SEMA3E: variants seen among roughly 807,000 people sequenced by gnomAD.
SEMA3E encodes semaphorin 3E.
Under a neutral mutation model 93.6 loss-of-function variants are expected in SEMA3E, and 49 were observed. That is an observed-to-expected ratio of 0.52 (90% confidence interval 0.42 to 0.66). The LOEUF is 0.66. SEMA3E is among the 30% of genes least tolerant of loss of function. The probability of loss-of-function intolerance (pLI) is 0.00; values close to 1 mark genes in which losing one functional copy is unlikely to be tolerated. For synonymous variants in SEMA3E, 363 were observed against 330.7 expected, an observed-to-expected ratio of 1.10 and a Z score of -1.06; for missense variants, 906 against 964.8, an observed-to-expected ratio of 0.94 and a Z score of 0.81.
At position 83,419,333 on chromosome 7, in the gene SEMA3E, A is replaced by T. The variant is rs190808558; in HGVS notation, c.457-850T>A. Among the ~76,000 whole-genome samples, 1,316 of 152,234 alleles carry T rather than the reference A, an allele frequency of 8.6e-3. 14 individuals are homozygous for T. The highest frequency in any genetic ancestry group is 0.013 in the Admixed American group (200 of 15,286). ...CTTAGGTTGAATTTATGTCTTTGCTATTGTGAATAATTCTGCAATGAACAT... is the reference window on the plus strand; with the variant it reads ...CTTAGGTTGAATTTATGTCTTTGCTTTTGTGAATAATTCTGCAATGAACAT... On this transcript the variant is annotated intron_variant, in intron 4 of 16. Transcript: ENST00000643230.
chr7:83,529,123 T>C (rs947042478), intron 1 of SEMA3E, among the ~76,000 whole-genome samples: 1 of 152,114 alleles, frequency 6.6e-6, no homozygotes, highest in African/African-American at 2.4e-5. Context: ...AAAATAGTAA[T>C]TAAAGAATTT....
intron 1 of SEMA3E, among the ~76,000 whole-genome samples, chr7:83,598,925 A>T (rs1342060284): frequency 6.6e-6 from 1 of 152,204 alleles, no homozygotes; most frequent in Non-Finnish European, 1.5e-5. Context: ...ATTAAATGTC[A>T]GTTAAATAAA....
intron 1 of SEMA3E, among the ~76,000 whole-genome samples, chr7:83,616,334 T>C (rs140472387): frequency 6.6e-6 from 1 of 152,292 alleles, no homozygotes; most frequent in African/African-American, 2.4e-5. Context: ...GTAAATGTTT[T>C]GCATTTCCTA....
chr7:83,537,831 T>C (rs1022253183), intron 1 of SEMA3E, among the ~76,000 whole-genome samples: 1 of 152,168 alleles, frequency 6.6e-6, no homozygotes, highest in African/African-American at 2.4e-5. Flanking sequence ...ATGTATTCTT[T>C]AGCAATCACT....
chr7:83,551,100 C>A (rs77653752), intron 1 of SEMA3E, among the ~76,000 whole-genome samples: 1 of 152,158 alleles, frequency 6.6e-6, no homozygotes, highest in East Asian at 1.9e-4. Context: ...GTTGTAATAG[C>A]CTTTGGAAAA....
At position 83,570,906 on chromosome 7, in the gene SEMA3E, A is replaced by G. The variant is rs556890329; in HGVS notation, c.115+77522T>C. 3.3e-5 allele frequency among the ~76,000 whole-genome samples: 5 copies of G among 151,820 alleles called. No individual in the cohort carries two copies. In the South Asian group the frequency reaches 1.0e-3, roughly 32 times the overall value. ...GAAATTTAAAAAAAGATCCTCAGAG[A>G]CTATTATAAATACCTCTATGCACAC... On this transcript the variant is annotated intron_variant, in intron 1 of 16. Coordinates refer to ENST00000643230, the MANE Select transcript of SEMA3E (RefSeq NM_012431.3).
At chr7:83,539,660 T>C (rs1000000382) in intron 1 of SEMA3E, among the ~76,000 whole-genome samples, 3 of 152,156 alleles carry the variant, frequency 2.0e-5, no homozygotes, top group African/African-American at 4.8e-5. Flanking sequence ...TTTTTCCTAA[T>C]GTCATCACTG....
At position 83,639,130 on chromosome 7, in the gene SEMA3E, AAAAAAAAAAAC is replaced by A. The variant is rs1239955232; in HGVS notation, c.115+9287_115+9297del. 2.2e-4 allele frequency among the ~76,000 whole-genome samples: 31 copies of A among 142,336 alleles called. 2 individuals are homozygous for A. Among genetic ancestry groups the A allele is most frequent in the South Asian group, 6.6e-4 (3 of 4,532 alleles). The allele number at this position is 142,336 out of a possible 152,430, so 93.4% of individuals were successfully genotyped here. ...CGTCTCAAAAAAAAAAAAAAAAAAA[AAAAAAAAAAAC>A]AGAGATTCCTGAGCCTCAGAATTAT... is the stretch of plus-strand genomic sequence containing the variant. On this transcript the variant is annotated intron_variant, in intron 1 of 16. Coordinates refer to ENST00000643230, the MANE Select transcript of SEMA3E (RefSeq NM_012431.3).
At position 83,647,260 on chromosome 7, in the gene SEMA3E, T is replaced by TA. The variant is rs1794091014; in HGVS notation, c.115+1167_115+1168insT. Among the ~76,000 whole-genome samples the TA allele has an allele frequency of 2.0e-5, 3 of 152,126 alleles. No homozygotes were observed. In the South Asian group the frequency reaches 6.2e-4, roughly 31 times the overall value. Reference sequence around the variant, plus strand: ...TCTATAGTCAACATTTACTGAAGATTGTCCAATAAAAAGACAAAAAGGCCA... The same window carrying TA: ...TCTATAGTCAACATTTACTGAAGATTAGTCCAATAAAAAGACAAAAAGGCCA... On this transcript the variant is annotated intron_variant, in intron 1 of 16. Transcript: ENST00000643230.
chr7:83,453,270 T>A (rs893409966), intron 4 of SEMA3E, among the ~76,000 whole-genome samples: 1 of 152,108 alleles, frequency 6.6e-6, no homozygotes, highest in Non-Finnish European at 1.5e-5. Flanking sequence ...CCTCCTGTGA[T>A]CTGCCCACCT....
At chr7:83,632,468 A>G (rs1207651621) in intron 1 of SEMA3E, among the ~76,000 whole-genome samples, 1 of 152,138 alleles carries the variant, frequency 6.6e-6, no homozygotes, top group Non-Finnish European at 1.5e-5. Context: ...TTCTTGTGAT[A>G]GTGAATAAGT....
Position 83,408,463 on chromosome 7 carries a change from T to C in SEMA3E, c.575A>G (p.Tyr192Cys). Residue 192 changes from tyrosine to cysteine, a missense_variant, in exon 6 of 17, where the codon TAC (tyrosine) becomes TGC (cysteine). Transcript: ENST00000643230. ...LIGSELFAGL[Y>C]SDYWSRDAAI... ...AGCGTCTCTGCTCCAGTAGTCACTG[T>C]AGAGTCCAGCAAACAATTCACTACC... 6.2e-7 allele frequency: 1 copy of C among 1,613,764 alleles called. No homozygotes were observed. The highest frequency in any genetic ancestry group is 8.5e-7 in the Non-Finnish European group (1 of 1,179,814).
At chr7:83,499,488 C>T (rs931613939) in intron 1 of SEMA3E, among the ~76,000 whole-genome samples, 1 of 152,040 alleles carries the variant, frequency 6.6e-6, no homozygotes, top group Admixed American at 6.6e-5. Flanking sequence ...TCTTAGGGTA[C>T]TTTTGTGATT....
At chr7:83,547,355 G>A (rs1791674709) in intron 1 of SEMA3E, among the ~76,000 whole-genome samples, 1 of 152,224 alleles carries the variant, frequency 6.6e-6, no homozygotes, top group Middle Eastern at 3.4e-3. Flanking sequence ...GATGCTGTCA[G>A]TAGAATCATT....
intron 1 of SEMA3E, 44 bp downstream of exon 1, chr7:83,648,384 T>G: frequency 5.2e-6 from 1 of 193,920 alleles, no homozygotes; most frequent in Non-Finnish European, 8.5e-6. Context: ...TTTCTTTTTC[T>G]TTTTTTTTTT....
chr7:83,536,328 A>G (rs1367183580), intron 1 of SEMA3E, among the ~76,000 whole-genome samples: 1 of 152,102 alleles, frequency 6.6e-6, no homozygotes, highest in Non-Finnish European at 1.5e-5. Context: ...TCTTAGACCA[A>G]TGAAAATAAT....
chr7:83,558,410 T>C (rs1791963474), intron 1 of SEMA3E, among the ~76,000 whole-genome samples: 1 of 152,158 alleles, frequency 6.6e-6, no homozygotes, highest in Non-Finnish European at 1.5e-5. Context: ...ACTGTGCTAC[T>C]GGTATTTGGT....
chr7:83,405,694 G>C (rs1788316220), intron 8 of SEMA3E, among the ~76,000 whole-genome samples, 175 bp from the exon 9 acceptor site: 1 of 152,016 alleles, frequency 6.6e-6, no homozygotes, highest in South Asian at 2.1e-4. Flanking sequence ...CAGCTATTCT[G>C]GGTGGCCTTG....
intron 16 of SEMA3E, among the ~76,000 whole-genome samples, chr7:83,383,268 CTTATCAAAAT>C (rs1352095203): frequency 6.8e-5 from 10 of 148,084 alleles, no homozygotes; most frequent in African/African-American, 2.5e-4. Flanking sequence ...AAAGTGATTT[CTTATCAAAAT>C]AAAGATTTGA....
Sources: allele counts gnomAD v4.1 joint callset (sites outside exome capture counted in the v4.1 genomes callset), GRCh38; gene constraint gnomAD v4.1.1; transcripts MANE v1.5; gene names NCBI Gene and HGNC (gene_info 2026-07-23, HGNC 2026-07-21).